Variants in POGK observed in about 807,000 individuals in gnomAD.
POGK encodes pogo transposable element with KRAB domain.
Under a neutral mutation model 54.4 loss-of-function variants are expected in POGK, and 16 were observed. That is an observed-to-expected ratio of 0.29 (90% CI 0.20 to 0.45). POGK has a LOEUF of 0.45. Ranked by LOEUF, POGK falls within the 20% of genes least tolerant of loss-of-function variation. The pLI is 1.00. For synonymous variants in POGK, 271 were observed against 302.2 expected (o/e 0.90, Z 1.07); for missense variants, 515 against 795.6 (o/e 0.65, Z 4.24).
chr1:166,852,422 G>A (rs1033366783), intron 5 of POGK, 163 bp from the exon 6 acceptor site: 1 of 152,234 alleles, frequency 6.6e-6, no homozygotes, highest in African/African-American at 2.4e-5. Flanking sequence ...GAAGTGATGG[G>A]AGTAGACAGA....
Position 166,850,152 on chromosome 1 carries a change from T to G in POGK, c.1573T>G (p.Trp525Gly). The G allele has an allele frequency of 6.4e-7, 1 of 1,569,870 alleles. No individual in the cohort carries two copies. Among genetic ancestry groups the G allele is most frequent in the Non-Finnish European group, 8.6e-7 (1 of 1,156,870 alleles). ...NDSVRAQYSNWLLAGNLALSP... is the reference protein window; with the variant it reads ...NDSVRAQYSNGLLAGNLALSP... Reference sequence around the variant, plus strand: ...CAGTGTGCGGGCCCAGTACTCCAACTGGCTTCTGGCTGGGAACCTGGCGCT... The same window carrying G: ...CAGTGTGCGGGCCCAGTACTCCAACGGGCTTCTGGCTGGGAACCTGGCGCT... Residue 525 changes from tryptophan to glycine, a missense_variant, in exon 5 of 6, where the codon TGG becomes GGG. This residue lies in a region of POGK where 461 missense variants were observed against 743.5 expected (regional missense o/e 0.62). Transcript: ENST00000367876.
At chr1:166,840,109 C>T (rs1259496653) in intron 1 of POGK, 1 of 152,284 alleles carries the variant, frequency 6.6e-6, no homozygotes, top group Non-Finnish European at 1.5e-5. Context: ...AAGGAACCGA[C>T]TTTGAACTCC....
At position 166,849,369 on chromosome 1, in the gene POGK, C is replaced by A. The variant is rs752583652; in HGVS notation, c.790C>A (p.Gln264Lys). The change falls in exon 5 of 6, where the codon CAG becomes AAG. Residue 264 changes from glutamine (Q) to lysine (K), a missense_variant. Around this residue, in one of 2 missense-constraint regions of POGK, gnomAD observed 461 missense variants for 743.5 expected, o/e 0.62. Transcript: ENST00000367876. ...PKNGRFALVD[Q>K]RVAEYVRYMQ... ...GAATGGGAGGTTTGCTCTGGTGGAC[C>A]AGCGTGTGGCCGAATATGTCAGATA... 6.2e-7 allele frequency: 1 copy of A among 1,614,222 alleles called. No individual in the cohort carries two copies. The highest frequency in any genetic ancestry group is 1.3e-5 in the African/African-American group (1 of 75,072).
chr1:166,841,162 C>G (rs1571218722), intron 2 of POGK, 74 bp downstream of exon 2: 1 of 1,571,744 alleles, frequency 6.4e-7, no homozygotes, highest in Non-Finnish European at 8.6e-7. Flanking sequence ...TAAGTCTCCT[C>G]CTCAGACAGA....
Position 166,849,927 on chromosome 1 carries a change from T to C in POGK, c.1348T>C (p.Leu450=). The change falls in exon 5 of 6, where the codon TTG becomes CTG. Residue 450 remains leucine, a synonymous_variant. Transcript: ENST00000367876. Reference sequence around the variant, plus strand: ...GACTGAAGACTTGATGCAGGACTGGTTGGAAGTGGTGTGGAGACGGAGGAC... The same window carrying C: ...GACTGAAGACTTGATGCAGGACTGGCTGGAAGTGGTGTGGAGACGGAGGAC... ...WMTEDLMQDW[L]EVVWRRRTGA... is the part of the protein sequence containing the mutation. The C allele has an allele frequency of 6.2e-7, 1 of 1,614,102 alleles. No homozygotes were observed. The highest frequency in any genetic ancestry group is 8.5e-7 in the Non-Finnish European group (1 of 1,180,014).
At chr1:166,847,713 A>ATCTCCCT in intron 4 of POGK, 121 bp downstream of exon 4, 1 of 721,932 alleles carries the variant, frequency 1.4e-6, no homozygotes, top group Non-Finnish European at 2.3e-6. Context: ...GAGTTTTGAA[A>ATCTCCCT]TCTCCCTCTT....
rs1026251395 is a variant in POGK at position 166,854,444 on chromosome 1, C to T, written c.*1874C>T. 1.3e-5 allele frequency: 2 copies of T among 152,376 alleles called. No individual in the cohort carries two copies. The highest frequency in any genetic ancestry group is 1.3e-4 in the Admixed American group (2 of 15,254). The allele number at this position is 152,376 out of a possible 1,614,324, so 9.4% of individuals were successfully genotyped here. On this transcript the variant is annotated 3_prime_UTR_variant, in exon 6 of 6. Coordinates refer to ENST00000367876, the MANE Select transcript of POGK (RefSeq NM_017542.5). Reference sequence around the variant, plus strand: ...CTCCCTAGTAGATAGGAACTGACCCCAACAATAAACTTTGATAATAAAGAC... The same window carrying T: ...CTCCCTAGTAGATAGGAACTGACCCTAACAATAAACTTTGATAATAAAGAC...
At position 166,848,801 on chromosome 1, in the gene POGK, A is replaced by C; in HGVS notation, c.359-137A>C. The stretch of plus-strand genomic sequence containing the variant: ...TGGCATATGGAAAAGGACTTAGGCA[A>C]TGTTACCTGTTATTAAAGTTACTAC... On this transcript the variant is annotated intron_variant, in intron 4 of 5. Coordinates refer to ENST00000367876, the MANE Select transcript of POGK (RefSeq NM_017542.5). 3 of 1,186,628 alleles carry C rather than the reference A, an allele frequency of 2.5e-6. 1 individual carries two copies. The allele number at this position is 1,186,628 out of a possible 1,614,324, so 73.5% of individuals were successfully genotyped here. A position where few individuals can be genotyped will look rare whatever the true frequency, so the allele number is the denominator to read the frequency against.
rs79057979 is a variant in POGK, at chr1:166,845,447, G to A, written c.133-1165G>A. Among the ~76,000 whole-genome samples the A allele has an allele frequency of 2.7e-3, 407 of 152,092 alleles. 1 individual carries two copies. The highest frequency in any genetic ancestry group is 9.0e-3 in the African/African-American group (375 of 41,472). On this transcript the variant is annotated intron_variant, in intron 2 of 5. Transcript: ENST00000367876. ...GCAGTTACAGGCCCTTTCCTAGTAC[G>A]TGCTTCCTATGTATGAGGTGCTGTG...
chr1:166,849,215 T>C lies in POGK; in HGVS notation c.636T>C (p.Ala212=), dbSNP rs139118899. Residue 212 remains alanine (A), a synonymous_variant, in exon 5 of 6, where the codon GCT becomes GCC. Coordinates refer to ENST00000367876, the MANE Select transcript of POGK (RefSeq NM_017542.5). Reference sequence around the variant, plus strand: ...TCAAGCTGATGGTAGTGGAATATGCTGAGAGTACCAACAACTGCCAGGCTG... The same window carrying C: ...TCAAGCTGATGGTAGTGGAATATGCCGAGAGTACCAACAACTGCCAGGCTG... ...AGFKLMVVEY[A]ESTNNCQAAK... The C allele has an allele frequency of 2.4e-4, 395 of 1,614,158 alleles. No individual in the cohort carries two copies. In the East Asian group the frequency reaches 7.9e-3, roughly 32 times the overall value.
At chr1:166,851,096 CA>C (rs1658046126) in intron 5 of POGK, 1 of 152,168 alleles carries the variant, frequency 6.6e-6, no homozygotes, top group African/African-American at 2.4e-5. Context: ...TCAGTTCACA[CA>C]AAATTTTGTC....
At chr1:166,852,412 G>A (rs1400694924) in intron 5 of POGK, 173 bp from the exon 6 acceptor site, 1 of 152,226 alleles carries the variant, frequency 6.6e-6, no homozygotes, top group Non-Finnish European at 1.5e-5. Flanking sequence ...AGCTCCTGAG[G>A]AAGTGATGGG....
In POGK at chr1:166,842,115, A is replaced by G. The variant is rs187607418; in HGVS notation, c.132+1027A>G. ...TTTGCCCACCACATCCTTCTTCCCA[A>G]TTCTGATCCAAGCAGGCGTCAGGTC... is the stretch of plus-strand genomic sequence containing the variant. On this transcript the variant is annotated intron_variant, in intron 2 of 5. Transcript: ENST00000367876. Among the ~76,000 whole-genome samples, 11 of 152,196 alleles carry G rather than the reference A, an allele frequency of 7.2e-5. No individual in the cohort carries two copies. In the East Asian group the frequency reaches 1.7e-3, roughly 24 times the overall value.
chr1:166,853,203 A>G lies in POGK; in HGVS notation c.*633A>G, dbSNP rs1185986477. The G allele has an allele frequency of 1.3e-5, 2 of 152,694 alleles. No individual in the cohort carries two copies. Among genetic ancestry groups the G allele is most frequent in the South Asian group, 2.1e-4 (1 of 4,836 alleles). 9.5% of individuals were successfully genotyped at this position (152,694 alleles called of 1,614,324 possible). ...CCTGGTGCCAGCAGATGGCTTTTCTATAGACAAACTAGGTTAGTGTGGAAG... is the reference window on the plus strand; with the variant it reads ...CCTGGTGCCAGCAGATGGCTTTTCTGTAGACAAACTAGGTTAGTGTGGAAG... On this transcript the variant is annotated 3_prime_UTR_variant, in exon 6 of 6. Transcript: ENST00000367876.
chr1:166,841,928 G>C (rs759893096), intron 2 of POGK, among the ~76,000 whole-genome samples: 13 of 151,574 alleles, frequency 8.6e-5, no homozygotes, highest in Non-Finnish European at 1.8e-4. Context: ...ACTGACATTT[G>C]TTCTTCAAAA....
At chr1:166,843,183 A>C (rs1021529265) in intron 2 of POGK, among the ~76,000 whole-genome samples, 3 of 152,254 alleles carry the variant, frequency 2.0e-5, no homozygotes, top group Non-Finnish European at 4.4e-5. Flanking sequence ...CAGCACAGGC[A>C]AAAGCACTGA....
intron 3 of POGK, among the ~76,000 whole-genome samples, chr1:166,847,288 A>G (rs185537393): frequency 1.3e-5 from 2 of 152,284 alleles, no homozygotes; most frequent in East Asian, 3.9e-4. Flanking sequence ...TGGTGCCAAT[A>G]CCATCCCTCA....
chr1:166,846,641 A>G lies in POGK; in HGVS notation c.162A>G (p.Ile54Met), dbSNP rs778078300. Reference sequence around the variant, plus strand: ...CGGCCCTATTTGATGAGGTGGCCATATATTTTTCCGATGAGGAATGGGAAG... The same window carrying G: ...CGGCCCTATTTGATGAGGTGGCCATGTATTTTTCCGATGAGGAATGGGAAG... ...WVPALFDEVA[I>M]YFSDEEWEVL... The change falls in exon 3 of 6, where the codon ATA (isoleucine) becomes ATG (methionine). Residue 54 changes from isoleucine to methionine, a missense_variant. Physicochemically the swap from Ile to Met is conservative, Grantham distance 10 (BLOSUM62 1). Around this residue, in one of 2 missense-constraint regions of POGK, gnomAD observed 461 missense variants for 743.5 expected, o/e 0.62. Transcript: ENST00000367876. 71 of 1,614,036 alleles carry G rather than the reference A, an allele frequency of 4.4e-5. No individual in the cohort carries two copies. Among genetic ancestry groups the G allele is most frequent in the Non-Finnish European group, 5.8e-5 (68 of 1,180,038 alleles).
intron 2 of POGK, among the ~76,000 whole-genome samples, chr1:166,845,556 AG>A (rs1657812091): frequency 6.6e-6 from 1 of 152,124 alleles, no homozygotes; most frequent in African/African-American, 2.4e-5. Context: ...TGACCCCTGA[AG>A]TGGCTGCAGG....
Sources: gnomAD v4.1 joint callset for allele counts (sites outside exome capture counted in the v4.1 genomes callset) on GRCh38, gnomAD v4.1.1 for gene constraint, gnomAD v4.1.1 regional missense constraint, MANE v1.5 for transcripts, NCBI Gene and HGNC (gene_info 2026-07-23, HGNC 2026-07-21) for gene names.